The following DISC1 variants were observed in gnomAD, a reference collection of about 807,000 sequenced individuals.
DISC1 encodes DISC1 scaffold protein.
In DISC1, 57 loss-of-function variants were observed where a neutral mutation model predicts 84.5. The observed-to-expected ratio is 0.67, with a 90% CI of 0.55 to 0.84. The LOEUF (loss-of-function observed/expected upper bound fraction) is 0.84. Ranked by LOEUF, DISC1 falls within the 40% of genes least tolerant of loss-of-function variation. DISC1 has a pLI of 0.00. For missense variants in DISC1, 1,000 were observed against 1,057.8 expected (o/e 0.95, Z 0.76); for synonymous variants, 411 against 415.2 (o/e 0.99, Z 0.12).
At chr1:231,673,779 AGGCTG>A (rs1368217704) in intron 1 of DISC1, among the ~76,000 whole-genome samples, 1 of 152,234 alleles carries the variant, frequency 6.6e-6, no homozygotes, top group East Asian at 1.9e-4. Context: ...AGCTCTTAGT[AGGCTG>A]GTTATTCTGA....
Position 231,750,091 on chromosome 1 carries a change from T to C in DISC1, c.1268+15T>C. ...GCCACTCAGCAGTGAGTACTTGTTA[T>C]TGTCACCATTTTCCCCTCATGTTTC... On this transcript the variant is annotated intron_variant, in intron 4 of 12. Coordinates refer to ENST00000439617, the MANE Select transcript of DISC1 (RefSeq NM_018662.3). 1 of 1,608,164 alleles carries C rather than the reference T, an allele frequency of 6.2e-7. No individual in the cohort carries two copies. The highest frequency in any genetic ancestry group is 8.5e-7 in the Non-Finnish European group (1 of 1,176,646).
chr1:231,855,389 A>G, intron 9 of DISC1: 1 of 985,284 alleles, frequency 1.0e-6, no homozygotes, highest in Non-Finnish European at 1.2e-6. Context: ...AATGAGCTCA[A>G]GTTATTTCAT....
intron 6 of DISC1, among the ~76,000 whole-genome samples, chr1:231,777,527 T>A (rs1019031354): frequency 2.0e-5 from 3 of 152,206 alleles, no homozygotes; most frequent in Non-Finnish European, 4.4e-5. Flanking sequence ...CTCCCCTTTT[T>A]AAGTAAAGTA....
Position 232,037,814 on chromosome 1 carries a change from G to T in DISC1, c.*983G>T, listed in dbSNP as rs61835610. 0.29 allele frequency: 43,955 copies of T among 151,458 alleles called. 6,606 individuals are homozygous for T. Among genetic ancestry groups the T allele is most frequent in the Middle Eastern group, 0.4 (113 of 286 alleles). The allele number at this position is 151,458 out of a possible 1,614,324, so 9.4% of individuals were successfully genotyped here. A position where few individuals can be genotyped will look rare whatever the true frequency, so the allele number is the denominator to read the frequency against. On this transcript the variant is annotated 3_prime_UTR_variant, in exon 13 of 13. Coordinates refer to ENST00000439617, the MANE Select transcript of DISC1 (RefSeq NM_018662.3). ...GTAATACAGTACAGTATTCAGTAAG[G>T]CAGTGAAGTACTCAGTAATACAATA...
chr1:231,974,581 G>A (rs1331581660), intron 10 of DISC1, among the ~76,000 whole-genome samples: 4 of 152,110 alleles, frequency 2.6e-5, no homozygotes, highest in Non-Finnish European at 2.9e-5. Flanking sequence ...CTTAACTTCC[G>A]TAATAAGAAT....
intron 4 of DISC1, among the ~76,000 whole-genome samples, chr1:231,760,415 G>A (rs2075553893): frequency 6.6e-6 from 1 of 152,110 alleles, no homozygotes; most frequent in Non-Finnish European, 1.5e-5. Context: ...AAATTTGATA[G>A]GATAGTCATC....
intron 9 of DISC1, among the ~76,000 whole-genome samples, chr1:231,889,742 CT>C (rs571937696): frequency 5.9e-5 from 9 of 151,474 alleles, no homozygotes; most frequent in South Asian, 2.1e-4. Flanking sequence ...TTCTCCCCCT[CT>C]TTTTTTTTCA....
chr1:231,868,675 T>C (rs2085221911), intron 9 of DISC1, among the ~76,000 whole-genome samples: 1 of 142,686 alleles, frequency 7.0e-6, no homozygotes, highest in African/African-American at 2.5e-5. Flanking sequence ...CTGGGCAACA[T>C]AGCAAGACCC....
At chr1:231,757,916 T>C (rs2075297740) in intron 4 of DISC1, among the ~76,000 whole-genome samples, 2 of 151,568 alleles carry the variant, frequency 1.3e-5, no homozygotes, top group African/African-American at 4.9e-5. Flanking sequence ...CTGGGAACCG[T>C]GCTCACAGTC....
intron 12 of DISC1, among the ~76,000 whole-genome samples, chr1:232,034,712 T>C (rs1037645168): frequency 3.9e-5 from 6 of 152,204 alleles, no homozygotes; most frequent in Non-Finnish European, 8.8e-5. Flanking sequence ...TCTCAGGAGT[T>C]GGTCAGGATT....
At chr1:231,998,960 G>C (rs1666311226) in intron 10 of DISC1, among the ~76,000 whole-genome samples, 1 of 152,038 alleles carries the variant, frequency 6.6e-6, no homozygotes, top group Non-Finnish European at 1.5e-5. Context: ...TTTTCTTCTT[G>C]TTTGCGAGGA....
chr1:231,816,525 A>G (rs1165186259), intron 8 of DISC1, among the ~76,000 whole-genome samples: 1 of 151,224 alleles, frequency 6.6e-6, no homozygotes, highest in African/African-American at 2.4e-5. Context: ...TTTTTTTTGT[A>G]GAAGCTTTAT....
chr1:231,928,257 AC>A (rs2090459602), intron 9 of DISC1, among the ~76,000 whole-genome samples: 1 of 152,154 alleles, frequency 6.6e-6, no homozygotes, highest in African/African-American at 2.4e-5. Context: ...TGATATTTAA[AC>A]AAATGTTCTA....
chr1:231,719,606 A>C (rs1448170589), intron 3 of DISC1, among the ~76,000 whole-genome samples: 1 of 152,242 alleles, frequency 6.6e-6, no homozygotes, highest in Non-Finnish European at 1.5e-5. Context: ...GAGATGGTGC[A>C]TGCTAAATAT....
intron 9 of DISC1, among the ~76,000 whole-genome samples, chr1:231,837,722 G>C (rs796701662): frequency 6.6e-6 from 1 of 152,148 alleles, no homozygotes; most frequent in East Asian, 1.9e-4. Flanking sequence ...GAGGTGAGGA[G>C]GTGGCACAAG....
At chr1:231,759,393 A>G (rs2075423456) in intron 4 of DISC1, among the ~76,000 whole-genome samples, 1 of 151,954 alleles carries the variant, frequency 6.6e-6, no homozygotes, top group Non-Finnish European at 1.5e-5. Flanking sequence ...TACAACATGA[A>G]AATTATCATT....
intron 10 of DISC1, among the ~76,000 whole-genome samples, chr1:231,962,249 G>A (rs1660489012): frequency 1.3e-5 from 2 of 152,072 alleles, no homozygotes; most frequent in African/African-American, 4.8e-5. Context: ...TTGTCAAATT[G>A]TTTAAGTTCC....
intron 9 of DISC1, among the ~76,000 whole-genome samples, chr1:231,858,749 A>G (rs1267162940): frequency 6.6e-6 from 1 of 152,188 alleles, no homozygotes; most frequent in South Asian, 2.1e-4. Flanking sequence ...AGTGCTGTAG[A>G]AGTTTCCATA....
intron 1 of DISC1, chr1:231,685,111 T>C (rs1422394793): frequency 6.6e-6 from 1 of 152,288 alleles, no homozygotes; most frequent in East Asian, 1.9e-4. Flanking sequence ...CTGTGGCGAT[T>C]CCTTGATTGA....
Sources: gnomAD v4.1 joint callset for allele counts (sites outside exome capture counted in the v4.1 genomes callset) on GRCh38, gnomAD v4.1.1 for gene constraint, MANE v1.5 for transcripts, NCBI Gene and HGNC (gene_info 2026-07-23, HGNC 2026-07-21) for gene names.